TBC1D16: variants seen among roughly 807,000 people sequenced by gnomAD.
The protein encoded by TBC1D16 is CTD-2529O21.1.
TBC1D16 carries 58 observed loss-of-function variants against 74.7 expected under a neutral mutation model. That is an observed-to-expected ratio of 0.78 (90% confidence interval 0.63 to 0.97). TBC1D16 has a LOEUF of 0.97. TBC1D16 is among the 50% of genes least tolerant of loss of function. The pLI is 0.00. For missense variants in TBC1D16, 1,014 were observed against 1,079.5 expected (o/e 0.94, Z 0.85); for synonymous variants, 493 against 474.7 (o/e 1.04, Z -0.50).
At chr17:79,960,506 A>G (rs1218461733) in intron 3 of TBC1D16, among the ~76,000 whole-genome samples, 2 of 152,172 alleles carry the variant, frequency 1.3e-5, no homozygotes, top group African/African-American at 4.8e-5. Context: ...TTGTAATCCC[A>G]GCATTTTGGG....
intron 1 of TBC1D16, among the ~76,000 whole-genome samples, chr17:80,025,273 T>C (rs36137943): frequency 0.11 from 15,789 of 149,924 alleles, 1,246 homozygotes; most frequent in East Asian, 0.18. Context: ...AGCGCCAGTG[T>C]TGACACGCCA....
chr17:80,005,271 G>A (rs902825515), intron 3 of TBC1D16, among the ~76,000 whole-genome samples: 3 of 152,134 alleles, frequency 2.0e-5, no homozygotes, highest in African/African-American at 7.2e-5. Context: ...TTTTGGTAGA[G>A]ACGGGGTCTC....
intron 3 of TBC1D16, among the ~76,000 whole-genome samples, chr17:79,978,773 G>A (rs1374650195): frequency 6.6e-6 from 1 of 152,208 alleles, no homozygotes; most frequent in Non-Finnish European, 1.5e-5. Context: ...TCTGATGGCA[G>A]GAATCATTTG....
chr17:80,015,326 C>T (rs530060233), intron 1 of TBC1D16, among the ~76,000 whole-genome samples: 15 of 151,942 alleles, frequency 9.9e-5, no homozygotes, highest in South Asian at 2.1e-4. Flanking sequence ...CCCAGCTACT[C>T]GGGAGGGTGA....
chr17:79,949,703 G>A lies in TBC1D16; in HGVS notation c.1406+14C>T, dbSNP rs1240093481. 6.3e-7 allele frequency: 1 copy of A among 1,599,332 alleles called. No homozygotes were observed. The highest frequency in any genetic ancestry group is 8.5e-7 in the Non-Finnish European group (1 of 1,170,280). On this transcript the variant is annotated intron_variant, in intron 7 of 11. Coordinates refer to ENST00000310924, the MANE Select transcript of TBC1D16 (RefSeq NM_019020.4). ...CGGCTCGGCGGGGTGGGCCGGGCTG[G>A]CCCCGGCGGTTACCTTTTCTGCTGG...
chr17:79,968,690 A>T (rs751278663), intron 3 of TBC1D16, among the ~76,000 whole-genome samples: 1 of 151,884 alleles, frequency 6.6e-6, no homozygotes, highest in Non-Finnish European at 1.5e-5. Context: ...TGTCTCTACT[A>T]AAAATACAAA....
At chr17:79,968,023 C>T (rs2144034979) in intron 3 of TBC1D16, among the ~76,000 whole-genome samples, 1 of 152,330 alleles carries the variant, frequency 6.6e-6, no homozygotes, top group South Asian at 2.1e-4. Flanking sequence ...GACAGGGTCT[C>T]ACTCTGTCAC....
At chr17:80,029,939 T>G (rs1441134440) in intron 1 of TBC1D16, among the ~76,000 whole-genome samples, 1 of 152,084 alleles carries the variant, frequency 6.6e-6, no homozygotes, top group Non-Finnish European at 1.5e-5. Flanking sequence ...CCACACTCCT[T>G]GCTCTCGACC....
rs1217614170 is a variant in TBC1D16, at chr17:79,986,685, G to A, written c.779+23475C>T. Among the ~76,000 whole-genome samples the A allele has an allele frequency of 6.6e-6, 1 of 152,208 alleles. No individual in the cohort carries two copies. Among genetic ancestry groups the A allele is most frequent in the Non-Finnish European group, 1.5e-5 (1 of 68,046 alleles). ...CTTATTAAAGGGCAGAGCCACCATG[G>A]TGGGTGAACGGGCTTCCTCTCGGAA... is the stretch of plus-strand genomic sequence containing the variant. On this transcript the variant is annotated intron_variant, in intron 3 of 11. Transcript: ENST00000310924. This position sits in a 1 kb window ranked among gnomAD's most constrained non-coding sequence, Gnocchi z 6.0.
rs1361914989 is a variant in TBC1D16 at position 79,949,710 on chromosome 17, C to CGGTTACCTTTTCTGCTGGATCT, written c.1391_1406+6dup. 6.2e-7 allele frequency: 1 copy of CGGTTACCTTTTCTGCTGGATCT among 1,603,982 alleles called. No homozygotes were observed. Among genetic ancestry groups the CGGTTACCTTTTCTGCTGGATCT allele is most frequent in the African/African-American group, 1.3e-5 (1 of 74,768 alleles). ...GCGGGGTGGGCCGGGCTGGCCCCGGCGGTTACCTTTTCTGCTGGATCTCAG... is the reference window on the plus strand; with the variant it reads ...GCGGGGTGGGCCGGGCTGGCCCCGGCGGTTACCTTTTCTGCTGGATCTGGTTACCTTTTCTGCTGGATCTCAG... On this transcript the variant is annotated splice_region_variant and intron_variant, in intron 7 of 11. Coordinates refer to ENST00000310924, the MANE Select transcript of TBC1D16 (RefSeq NM_019020.4).
At position 79,944,524 on chromosome 17, in the gene TBC1D16, G is replaced by A. The variant is rs571257800; in HGVS notation, c.1908+384C>T. On this transcript the variant is annotated intron_variant, in intron 10 of 11. Transcript: ENST00000310924. The surrounding 1 kb of genome is among the most constrained non-coding windows in gnomAD (Gnocchi z 7.7). ...TGCACAGCAGGGTAACGGGTGAGTCGGCCCTCGTGGCAGGGCGGTCCCGAG... is the reference window on the plus strand; with the variant it reads ...TGCACAGCAGGGTAACGGGTGAGTCAGCCCTCGTGGCAGGGCGGTCCCGAG... Among the ~76,000 whole-genome samples the A allele has an allele frequency of 1.3e-5, 2 of 152,290 alleles. No individual in the cohort carries two copies. The highest frequency in any genetic ancestry group is 2.1e-4 in the South Asian group (1 of 4,824).
rs12453969 is a variant in TBC1D16 at position 79,932,937 on chromosome 17, G to A, written c.*7922C>T. Reference sequence around the variant, plus strand: ...CTCATGTTGAAGAGCTGATGACATCGGACCTATCAGGTCAGACTTATTTTC... The same window carrying A: ...CTCATGTTGAAGAGCTGATGACATCAGACCTATCAGGTCAGACTTATTTTC... On this transcript the variant is annotated 3_prime_UTR_variant, in exon 12 of 12. Transcript: ENST00000310924. The A allele has an allele frequency of 0.3, 45,655 of 151,990 alleles. 7,092 individuals are homozygous for A. Among genetic ancestry groups the A allele is most frequent in the East Asian group, 0.42 (2,152 of 5,158 alleles). 9.4% of individuals were successfully genotyped at this position (151,990 alleles called of 1,614,324 possible). A position where few individuals can be genotyped will look rare whatever the true frequency, so the allele number is the denominator to read the frequency against.
rs2035789742 is a variant in TBC1D16 at position 80,009,261 on chromosome 17, T to A, written c.779+899A>T. Among the ~76,000 whole-genome samples, 1 of 152,226 alleles carries A rather than the reference T, an allele frequency of 6.6e-6. No homozygotes were observed. The highest frequency in any genetic ancestry group is 2.4e-5 in the African/African-American group (1 of 41,470). ...TGTTGTCTGTGGTCACCACCATTAT[T>A]TGCCCAGAAATCTAATGAGCGTAAG... On this transcript the variant is annotated intron_variant, in intron 3 of 11. Coordinates refer to ENST00000310924, the MANE Select transcript of TBC1D16 (RefSeq NM_019020.4). This position sits in a 1 kb window ranked among gnomAD's most constrained non-coding sequence, Gnocchi z 5.4.
At chr17:79,963,909 C>G (rs1171662147) in intron 3 of TBC1D16, among the ~76,000 whole-genome samples, 1 of 152,062 alleles carries the variant, frequency 6.6e-6, no homozygotes, top group Non-Finnish European at 1.5e-5. Context: ...ATCCTTTGAC[C>G]ATTTTTGAAT....
At chr17:80,019,439 AC>A (rs71163907) in intron 1 of TBC1D16, among the ~76,000 whole-genome samples, 36,909 of 135,782 alleles carry the variant, frequency 0.27, 5,266 homozygotes, top group Middle Eastern at 0.34. Flanking sequence ...CACCAGGACA[AC>A]CCCCCCCCGC....
intron 3 of TBC1D16, among the ~76,000 whole-genome samples, chr17:79,977,252 C>T (rs944640812): frequency 7.2e-5 from 11 of 152,164 alleles, no homozygotes; most frequent in East Asian, 1.9e-4. Context: ...CATGGAGCCC[C>T]GCCCCATCCC....
rs768292368 is a variant in TBC1D16 at position 80,010,246 on chromosome 17, G to A, written c.693C>T (p.Asp231=). 1.2e-6 allele frequency: 2 copies of A among 1,613,510 alleles called. No homozygotes were observed. The highest frequency in any genetic ancestry group is 1.1e-5 in the South Asian group (1 of 91,002). ...AGAGGCAGAAGGGCGAGGAGAAGGT[G>A]TCTGAGTCTGAGTCAAAGGAGCTGT... ...SRDSSFDSDS[D]TFSSPFCLSP... Residue 231 remains aspartate (D), a synonymous_variant, in exon 3 of 12, where the codon GAC becomes GAT. Transcript: ENST00000310924. The surrounding 1 kb of genome is among the most constrained non-coding windows in gnomAD (Gnocchi z 8.8).
chr17:79,977,534 A>C (rs1290684441), intron 3 of TBC1D16, among the ~76,000 whole-genome samples: 1 of 152,244 alleles, frequency 6.6e-6, no homozygotes, highest in Non-Finnish European at 1.5e-5. Flanking sequence ...ACGCAGCAGG[A>C]TGGGGGTGAC....
At position 79,940,919 on chromosome 17, in the gene TBC1D16, G is replaced by A; in HGVS notation, c.2244C>T (p.Ser748=). The change falls in exon 12 of 12, where the codon TCC becomes TCT. Residue 748 remains serine (S), a synonymous_variant. Transcript: ENST00000310924. The surrounding 1 kb of genome is among the most constrained non-coding windows in gnomAD (Gnocchi z 5.4). ...GGTVEMPSPK[S]LREGKKGPKT... ...TTGGGCCCTTCTTGCCTTCCCTCAG[G>A]GACTTGGGGGAAGGCATCTCCACCG... 3 of 1,590,662 alleles carry A rather than the reference G, an allele frequency of 1.9e-6. No individual in the cohort carries two copies. Among genetic ancestry groups the A allele is most frequent in the Non-Finnish European group, 2.6e-6 (3 of 1,165,712 alleles).
Sources: gnomAD v4.1 joint callset for allele counts (sites outside exome capture counted in the v4.1 genomes callset) on GRCh38, gnomAD v4.1.1 for gene constraint, Gnocchi (gnomAD v3.1) non-coding constraint, MANE v1.5 for transcripts, NCBI Gene and HGNC (gene_info 2026-07-23, HGNC 2026-07-21) for gene names.